EHBP1: variants seen among roughly 807,000 people sequenced by gnomAD.
The protein encoded by EHBP1 is EH domain-binding protein 1.
EHBP1 carries 55 observed loss-of-function variants against 144.0 expected under a neutral mutation model. The observed-to-expected ratio is 0.38, with a 90% confidence interval of 0.31 to 0.48. The LOEUF (loss-of-function observed/expected upper bound fraction) is 0.48, where lower values mean the gene tolerates loss of function less well. Ranked by LOEUF, EHBP1 falls within the 20% of genes least tolerant of loss-of-function variation. The probability of loss-of-function intolerance (pLI) is 0.98; values close to 1 mark genes in which losing one functional copy is unlikely to be tolerated. For missense variants in EHBP1, 1,200 were observed against 1,364.2 expected (o/e 0.88, Z 1.90); for synonymous variants, 469 against 472.7 (o/e 0.99, Z 0.10).
intron 12 of EHBP1, 65 bp from the exon 13 acceptor site, chr2:62,948,195 T>C: frequency 7.3e-7 from 1 of 1,368,950 alleles, no homozygotes; most frequent in East Asian, 2.4e-5. Context: ...AAAAATGTGC[T>C]CTTTTTAAAA....
At chr2:63,014,443 A>G (rs567771741) in intron 19 of EHBP1, among the ~76,000 whole-genome samples, 1 of 152,372 alleles carries the variant, frequency 6.6e-6, no homozygotes, top group East Asian at 1.9e-4. Flanking sequence ...TGTTTAGGGC[A>G]TAAATAACAA....
At chr2:62,719,809 A>G (rs974072224) in intron 2 of EHBP1, among the ~76,000 whole-genome samples, 11 of 152,206 alleles carry the variant, frequency 7.2e-5, no homozygotes, top group Admixed American at 2.0e-4. Flanking sequence ...TGCAAATACT[A>G]TGCCATTTTA....
chr2:62,922,267 A>G (rs1267121942), intron 10 of EHBP1, among the ~76,000 whole-genome samples: 2 of 152,218 alleles, frequency 1.3e-5, no homozygotes, highest in African/African-American at 4.8e-5. Flanking sequence ...AGGACAAAGA[A>G]GGGTTGGTCT....
At chr2:62,974,311 C>T (rs1421219091) in intron 14 of EHBP1, among the ~76,000 whole-genome samples, 1 of 152,056 alleles carries the variant, frequency 6.6e-6, no homozygotes, top group Non-Finnish European at 1.5e-5. Flanking sequence ...TCCTGAGTAG[C>T]AGGGATTATA....
At chr2:62,801,648 T>C (rs944401862) in intron 5 of EHBP1, among the ~76,000 whole-genome samples, 7 of 152,234 alleles carry the variant, frequency 4.6e-5, no homozygotes, top group Non-Finnish European at 2.9e-5. Context: ...TTATTACAAA[T>C]ACTTAAAATC....
At chr2:63,006,534 T>C (rs1301972898) in intron 19 of EHBP1, among the ~76,000 whole-genome samples, 1 of 151,984 alleles carries the variant, frequency 6.6e-6, no homozygotes, top group Non-Finnish European at 1.5e-5. Flanking sequence ...TCTGCATTCA[T>C]ATGCTATTTT....
intron 10 of EHBP1, among the ~76,000 whole-genome samples, chr2:62,888,359 C>T (rs1001092242): frequency 2.0e-5 from 3 of 152,118 alleles, no homozygotes; most frequent in Non-Finnish European, 2.9e-5. Flanking sequence ...TCACTGTGTT[C>T]AATGGGAAAG....
chr2:62,885,586 A>G (rs1324057990), intron 10 of EHBP1, among the ~76,000 whole-genome samples: 1 of 152,220 alleles, frequency 6.6e-6, no homozygotes, highest in Non-Finnish European at 1.5e-5. Flanking sequence ...AATTTAAGTT[A>G]TTAGAAAAAA....
chr2:62,726,567 A>G (rs1270650005), intron 2 of EHBP1: 1 of 152,180 alleles, frequency 6.6e-6, no homozygotes, highest in Non-Finnish European at 1.5e-5. Flanking sequence ...CCTCTCTCTT[A>G]TCCTATTCCT....
At chr2:62,907,882 C>G (rs1053340819) in intron 10 of EHBP1, among the ~76,000 whole-genome samples, 1 of 152,174 alleles carries the variant, frequency 6.6e-6, no homozygotes, top group Non-Finnish European at 1.5e-5. Context: ...TACAAGTTAA[C>G]TTTAATCTCT....
chr2:62,807,054 T>C (rs2044570409), intron 5 of EHBP1, among the ~76,000 whole-genome samples: 1 of 152,206 alleles, frequency 6.6e-6, no homozygotes, highest in Non-Finnish European at 1.5e-5. Flanking sequence ...TACTGTGTTT[T>C]CAATTTGCAT....
In EHBP1 at chr2:62,942,623, T is replaced by C. The variant is rs143669723; in HGVS notation, c.1186-95T>C. On this transcript the variant is annotated intron_variant, in intron 10 of 22. Transcript: ENST00000431489. ...CAGTTGTGAAGGATCTAAACTGACATCAAAGGGTTCAAATGATCTGATTAG... is the reference window on the plus strand; with the variant it reads ...CAGTTGTGAAGGATCTAAACTGACACCAAAGGGTTCAAATGATCTGATTAG... The C allele has an allele frequency of 3.9e-4, 424 of 1,097,748 alleles. No individual in the cohort carries two copies. The African/African-American group carries it at 6.6e-3, about 17-fold the overall frequency. 68.0% of individuals were successfully genotyped at this position (1,097,748 alleles called of 1,614,324 possible). A position where few individuals can be genotyped will look rare whatever the true frequency, so the allele number is the denominator to read the frequency against.
intron 5 of EHBP1, among the ~76,000 whole-genome samples, chr2:62,803,784 T>C (rs545058459): frequency 6.6e-6 from 1 of 152,356 alleles, no homozygotes; most frequent in East Asian, 1.9e-4. Context: ...TTTCAGTATT[T>C]ATACGTTCAA....
At chr2:62,759,605 A>G (rs1009946669) in intron 3 of EHBP1, among the ~76,000 whole-genome samples, 2 of 152,068 alleles carry the variant, frequency 1.3e-5, no homozygotes, top group Non-Finnish European at 2.9e-5. Context: ...GGGTTTCACC[A>G]TGTTCACCAG....
At chr2:62,691,377 G>A (rs752097272) in intron 1 of EHBP1, among the ~76,000 whole-genome samples, 28 of 152,190 alleles carry the variant, frequency 1.8e-4, no homozygotes, top group South Asian at 4.1e-4. Flanking sequence ...TCTGTATCCC[G>A]TCAACAGAAA....
At chr2:62,837,757 T>A (rs1413130711) in intron 7 of EHBP1, among the ~76,000 whole-genome samples, 2 of 152,006 alleles carry the variant, frequency 1.3e-5, no homozygotes, top group Admixed American at 1.3e-4. Context: ...CATTACATAA[T>A]GGTAAAGGGA....
At chr2:63,035,410 TAG>T (rs1162592314) in intron 19 of EHBP1, among the ~76,000 whole-genome samples, 1 of 152,084 alleles carries the variant, frequency 6.6e-6, no homozygotes, top group African/African-American at 2.4e-5. Flanking sequence ...TCCTAACAAT[TAG>T]AGGAAGGGGA....
At chr2:62,946,010 C>T (rs965647941) in intron 12 of EHBP1, among the ~76,000 whole-genome samples, 20 of 152,074 alleles carry the variant, frequency 1.3e-4, no homozygotes, top group African/African-American at 4.6e-4. Context: ...TCATTAATTA[C>T]AATTAAATTA....
chr2:62,697,598 T>C (rs1306081963), intron 1 of EHBP1, among the ~76,000 whole-genome samples: 1 of 152,228 alleles, frequency 6.6e-6, no homozygotes, highest in Non-Finnish European at 1.5e-5. Context: ...AAGAGAAATA[T>C]GAGCTCCAGG....
Sources: allele counts gnomAD v4.1 joint callset (sites outside exome capture counted in the v4.1 genomes callset), GRCh38; gene constraint gnomAD v4.1.1; transcripts MANE v1.5; gene names NCBI Gene and HGNC (gene_info 2026-07-23, HGNC 2026-07-21).